TULP4: variants seen among roughly 807,000 people sequenced by gnomAD.
TULP4 encodes TUB like protein 4.
Under a neutral mutation model 129.0 loss-of-function variants are expected in TULP4, and 16 were observed. The ratio of observed to expected loss-of-function variants is 0.12; its 90% CI spans 0.08 to 0.19. The LOEUF (loss-of-function observed/expected upper bound fraction) is 0.19. Ranked by LOEUF, TULP4 falls within the 10% of genes least tolerant of loss-of-function variation. The pLI is 1.00. For synonymous variants in TULP4, 998 were observed against 854.0 expected, an observed-to-expected ratio of 1.17 and a Z score of -2.94; for missense variants, 1,842 against 2,059.1, an observed-to-expected ratio of 0.89 and a Z score of 2.04.
chr6:158,461,640 C>G lies in TULP4; in HGVS notation c.937C>G (p.Leu313Val). The change falls in exon 6 of 14, where the codon CTT becomes GTT. Residue 313 changes from leucine to valine, a missense_variant. Physicochemically the swap from Leu to Val is conservative, Grantham distance 32. Coordinates refer to ENST00000367097, the MANE Select transcript of TULP4 (RefSeq NM_020245.5). The stretch of plus-strand genomic sequence containing the variant: ...GGAACGGCAGACCCAGCTTGGTGAG[C>G]TTCCCAATGGTCCCCTTCTGAAGAG... ...GMERQTQLGE[L>V]PNGPLLKSAM... 6.2e-7 allele frequency: 1 copy of G among 1,614,024 alleles called. No individual in the cohort carries two copies. Among genetic ancestry groups the G allele is most frequent in the Non-Finnish European group, 8.5e-7 (1 of 1,180,028 alleles).
intron 6 of TULP4, among the ~76,000 whole-genome samples, chr6:158,465,669 A>G (rs1033030950): frequency 6.6e-6 from 1 of 152,256 alleles, no homozygotes; most frequent in African/African-American, 2.4e-5. Context: ...TGGCCCAGCA[A>G]AACAGTCTCA....
chr6:158,310,101 C>T (rs931025159), upstream of TULP4, among the ~76,000 whole-genome samples: 3 of 151,978 alleles, frequency 2.0e-5, no homozygotes, highest in African/African-American at 7.3e-5. Context: ...GGGTATTAGC[C>T]CATTTGCATT....
chr6:158,413,080 T>A lies in TULP4; in HGVS notation c.268T>A (p.Trp90Arg). 1 of 1,612,624 alleles carries A rather than the reference T, an allele frequency of 6.2e-7. No individual in the cohort carries two copies. Among genetic ancestry groups the A allele is most frequent in the Non-Finnish European group, 8.5e-7 (1 of 1,178,906 alleles). Residue 90 changes from tryptophan (W) to arginine (R), a missense_variant, in exon 2 of 14, where the codon TGG (tryptophan) becomes AGG (arginine). Transcript: ENST00000367097. This position sits in a 1 kb window ranked among gnomAD's most constrained non-coding sequence, Gnocchi z 4.9. ...GHNSEVVLVR[W>R]NEPYQKLATC... is the part of the protein sequence containing the mutation. ...GGTTTTCTAGGTTGTGCTGGTGAGG[T>A]GGAATGAGCCCTACCAGAAACTGGC... is the stretch of plus-strand genomic sequence containing the variant.
At chr6:158,432,241 C>G (rs1778647347) in intron 3 of TULP4, among the ~76,000 whole-genome samples, 2 of 152,018 alleles carry the variant, frequency 1.3e-5, no homozygotes, top group South Asian at 4.2e-4. Flanking sequence ...AATACTCCTC[C>G]TCCTGTCTCT....
chr6:158,331,588 G>C (rs1333830995), intron 1 of TULP4, among the ~76,000 whole-genome samples: 1 of 150,116 alleles, frequency 6.7e-6, no homozygotes, highest in African/African-American at 2.4e-5. Context: ...ATTTCTCTGA[G>C]GAATGCTGTT....
At position 158,342,947 on chromosome 6, in the gene TULP4, A is replaced by ATGTGTGTGTGTGTGTGTGTGTG. The variant is rs5881254; in HGVS notation, c.252+28697_252+28718dup. Among the ~76,000 whole-genome samples, 539 of 147,604 alleles carry ATGTGTGTGTGTGTGTGTGTGTG rather than the reference A, an allele frequency of 3.7e-3. 7 individuals carry two copies. Among genetic ancestry groups the ATGTGTGTGTGTGTGTGTGTGTG allele is most frequent in the African/African-American group, 8.5e-3 (336 of 39,484 alleles). On this transcript the variant is annotated intron_variant, in intron 1 of 13. Transcript: ENST00000367097. Reference sequence around the variant, plus strand: ...TAGTGAACGATGAGATTAAAAATAAATGTGTGTGTGTGTGTGTGTGTGTGT... The same window carrying ATGTGTGTGTGTGTGTGTGTGTG: ...TAGTGAACGATGAGATTAAAAATAAATGTGTGTGTGTGTGTGTGTGTGTGTGTGTGTGTGTGTGTGTGTGTGT...
At chr6:158,373,028 A>C (rs111320822) in intron 1 of TULP4, among the ~76,000 whole-genome samples, 1 of 152,230 alleles carries the variant, frequency 6.6e-6, no homozygotes, top group African/African-American at 2.4e-5. Context: ...CCAACTTAAC[A>C]CTGCTCAGAC....
At chr6:158,417,306 A>G (rs1778232097) in intron 2 of TULP4, among the ~76,000 whole-genome samples, 1 of 152,216 alleles carries the variant, frequency 6.6e-6, no homozygotes, top group South Asian at 2.1e-4. Flanking sequence ...TGGAGCAGAT[A>G]TTAGAAACAA....
At position 158,501,739 on chromosome 6, in the gene TULP4, A is replaced by G; in HGVS notation, c.2076A>G (p.Ala692=). 1 of 1,613,924 alleles carries G rather than the reference A, an allele frequency of 6.2e-7. No homozygotes were observed. ...CTTGTACCGTGAACATCCCTATTGC[A>G]CCGATCCACAGCTCGGCTCAGGCTA... is the stretch of plus-strand genomic sequence containing the variant. ...SPPCTVNIPI[A]PIHSSAQAMS... Residue 692 remains alanine (A), a synonymous_variant, in exon 13 of 14, where the codon GCA becomes GCG. Transcript: ENST00000367097.
chr6:158,336,193 T>A (rs937126656), intron 1 of TULP4, among the ~76,000 whole-genome samples: 23 of 152,350 alleles, frequency 1.5e-4, no homozygotes, highest in African/African-American at 5.0e-4. Context: ...ATGAGTAAGG[T>A]TGAACATATT....
chr6:158,426,136 T>C (rs1036795823), intron 2 of TULP4, among the ~76,000 whole-genome samples: 1 of 152,240 alleles, frequency 6.6e-6, no homozygotes, highest in Non-Finnish European at 1.5e-5. Flanking sequence ...CTTTGTCAGA[T>C]GCGTACTTTG....
chr6:158,494,749 G>T lies in TULP4; in HGVS notation c.1777-4G>T, dbSNP rs756731872. On this transcript the variant is annotated splice_region_variant and splice_polypyrimidine_tract_variant and intron_variant, in intron 10 of 13. Coordinates refer to ENST00000367097, the MANE Select transcript of TULP4 (RefSeq NM_020245.5). ...TCTTCTTTTTTCTTTTCTTCCTACC[G>T]CAGCACAACTATCTTGCTCAGGTCA... 3 of 1,609,044 alleles carry T rather than the reference G, an allele frequency of 1.9e-6. No homozygotes were observed. The highest frequency in any genetic ancestry group is 4.5e-5 in the East Asian group (2 of 44,748).
At chr6:158,396,907 C>CAGCT (rs1777730376) in intron 1 of TULP4, among the ~76,000 whole-genome samples, 1 of 152,190 alleles carries the variant, frequency 6.6e-6, no homozygotes, top group South Asian at 2.1e-4. Context: ...GATGAGAGTG[C>CAGCT]AGCTGGAAGA....
At chr6:158,382,738 C>T (rs1344866998) in intron 1 of TULP4, among the ~76,000 whole-genome samples, 1 of 152,110 alleles carries the variant, frequency 6.6e-6, no homozygotes, top group East Asian at 1.9e-4. Flanking sequence ...AGGGGATGAG[C>T]CACTTAGTAA....
intron 1 of TULP4, chr6:158,242,482 A>G (rs1270070327): frequency 1.2e-6 from 1 of 835,074 alleles, no homozygotes; most frequent in Non-Finnish European, 2.1e-6. Flanking sequence ...ACTTATCCAT[A>G]AAGCTCCTTC....
At position 158,502,588 on chromosome 6, in the gene TULP4, C is replaced by A; in HGVS notation, c.2925C>A (p.Ala975=). 6.2e-7 allele frequency: 1 copy of A among 1,602,368 alleles called. No individual in the cohort carries two copies. The highest frequency in any genetic ancestry group is 2.2e-5 in the East Asian group (1 of 44,846). Residue 975 remains alanine, a synonymous_variant, in exon 13 of 14, where the codon GCC becomes GCA. Transcript: ENST00000367097. ...AGCTGGCCCAGGGGCGGGGGGCTGC[C>A]CAGAGGTCCGACAATAGCCTCATCC... is the stretch of plus-strand genomic sequence containing the variant. The part of the protein sequence containing the change: ...ASQLAQGRGA[A]QRSDNSLIHA...
chr6:158,243,755 C>T (rs1187471070), intron 1 of TULP4, among the ~76,000 whole-genome samples: 2 of 151,772 alleles, frequency 1.3e-5, no homozygotes, highest in Admixed American at 6.6e-5. Flanking sequence ...TTTTGTGATA[C>T]TAGCAACCAT....
At chr6:158,368,584 A>G (rs1445444906) in intron 1 of TULP4, among the ~76,000 whole-genome samples, 4 of 152,190 alleles carry the variant, frequency 2.6e-5, no homozygotes, top group Non-Finnish European at 5.9e-5. Context: ...TCAGTTGGTT[A>G]AACCCCTCTG....
At chr6:158,314,874 C>T (rs747512165) in intron 1 of TULP4, among the ~76,000 whole-genome samples, 1 of 152,162 alleles carries the variant, frequency 6.6e-6, no homozygotes, top group Non-Finnish European at 1.5e-5. Context: ...ATGTAGATTC[C>T]TCTGGGCTTC....
Sources: allele counts gnomAD v4.1 joint callset (sites outside exome capture counted in the v4.1 genomes callset), GRCh38; gene constraint gnomAD v4.1.1; non-coding constraint Gnocchi (gnomAD v3.1); transcripts MANE v1.5; gene names NCBI Gene and HGNC (gene_info 2026-07-23, HGNC 2026-07-21).